The following ARHGAP21 variants were observed in gnomAD, a reference collection of about 807,000 sequenced individuals.
The protein encoded by ARHGAP21 is Rho GTPase activating protein 21.
ARHGAP21 carries 38 observed loss-of-function variants against 164.6 expected under a neutral mutation model. The observed-to-expected ratio is 0.23, with a 90% CI of 0.18 to 0.30. ARHGAP21 has a LOEUF of 0.30. ARHGAP21 is among the 10% of genes least tolerant of loss of function. The pLI is 1.00. For missense variants in ARHGAP21, 1,822 were observed against 2,370.7 expected (o/e 0.77, Z 4.81); for synonymous variants, 766 against 857.9 (o/e 0.89, Z 1.87).
At position 24,597,521 on chromosome 10, in the gene ARHGAP21, C is replaced by T; in HGVS notation, c.3260G>A (p.Gly1087Asp). The T allele has an allele frequency of 6.2e-7, 1 of 1,614,122 alleles. No individual in the cohort carries two copies. The highest frequency in any genetic ancestry group is 8.5e-7 in the Non-Finnish European group (1 of 1,179,992). ...QSLSIRQTLL[G>D]AKSEPKTQSP... ...TTGAGTCTTTGGCTCTGATTTAGCA[C>T]CAAGCAAAGTTTGCCTGATGCTGAG... Residue 1087 changes from glycine to aspartate, a missense_variant, in exon 16 of 26, where the codon GGT becomes GAT. Physicochemically the swap from Gly to Asp is moderately conservative, Grantham distance 94. This residue lies in a region of ARHGAP21 where 1,090 missense variants were observed against 1,378.9 expected (regional missense o/e 0.79). Coordinates refer to ENST00000396432, the MANE Select transcript of ARHGAP21 (RefSeq NM_020824.4).
chr10:24,692,491 A>G (rs73606546), intron 2 of ARHGAP21, among the ~76,000 whole-genome samples: 1,974 of 152,330 alleles, frequency 0.013, 33 homozygotes, highest in African/African-American at 0.045. Context: ...TATATTTTGG[A>G]AACAGTAACA....
intron 21 of ARHGAP21, among the ~76,000 whole-genome samples, chr10:24,593,744 T>TGAATGATGTAATAG (rs370137703): frequency 5.5e-4 from 84 of 152,328 alleles, no homozygotes; most frequent in African/African-American, 1.9e-3. Flanking sequence ...GCAAAACTGA[T>TGAATGATGTAATAG]GAATGATGTA....
intron 24 of ARHGAP21, chr10:24,590,963 AC>A: frequency 2.2e-6 from 2 of 913,568 alleles, no homozygotes; most frequent in Non-Finnish European, 2.6e-6. Flanking sequence ...AAAAAAAAGA[AC>A]AAAACAGTGG....
At chr10:24,624,901 T>C (rs532844984) in intron 7 of ARHGAP21, among the ~76,000 whole-genome samples, 2 of 152,154 alleles carry the variant, frequency 1.3e-5, no homozygotes, top group Admixed American at 6.5e-5. Context: ...CTCAGCCTTT[T>C]TGTATACCAC....
intron 2 of ARHGAP21, among the ~76,000 whole-genome samples, chr10:24,701,663 G>C (rs1843683840): frequency 6.6e-6 from 1 of 152,154 alleles, no homozygotes; most frequent in Non-Finnish European, 1.5e-5. Context: ...GGTTTGAAAA[G>C]GAAGTAGAAA....
chr10:24,664,466 G>T (rs1043905887), intron 4 of ARHGAP21, among the ~76,000 whole-genome samples: 2 of 151,462 alleles, frequency 1.3e-5, no homozygotes, highest in Non-Finnish European at 2.9e-5. Flanking sequence ...TGAGGCAGGA[G>T]AATCGCTTGA....
chr10:24,607,074 G>C (rs994962310), intron 11 of ARHGAP21, among the ~76,000 whole-genome samples: 1 of 152,158 alleles, frequency 6.6e-6, no homozygotes, highest in East Asian at 1.9e-4. Flanking sequence ...GAAACAGCAT[G>C]AGCCAGGACT....
In ARHGAP21 at chr10:24,585,259, G is replaced by A. The variant is rs553242970; in HGVS notation, c.5030C>T (p.Thr1677Ile). Residue 1677 changes from threonine (T) to isoleucine (I), a missense_variant, in exon 26 of 26, where the codon ACC (threonine) becomes ATC (isoleucine). By Grantham distance (89) the Thr-to-Ile change is moderately conservative (BLOSUM62 -1). Around this residue, in one of 5 missense-constraint regions of ARHGAP21, gnomAD observed 117 missense variants for 193.2 expected, o/e 0.61. Transcript: ENST00000396432. ...TAAACTTGATGTTAAACTTCCCTCGGTGCAACTTAATTCACTTCCTTCAGA... is the reference window on the plus strand; with the variant it reads ...TAAACTTGATGTTAAACTTCCCTCGATGCAACTTAATTCACTTCCTTCAGA... Reference protein sequence around the residue: ...RNSEGSELSCTEGSLTSSLDS... With the variant: ...RNSEGSELSCIEGSLTSSLDS... The A allele has an allele frequency of 1.9e-6, 3 of 1,606,552 alleles. No homozygotes were observed. Among genetic ancestry groups the A allele is most frequent in the Non-Finnish European group, 2.5e-6 (3 of 1,178,612 alleles).
In ARHGAP21 at chr10:24,616,368, G is replaced by A. The variant is rs1277627773; in HGVS notation, c.2422+3105C>T. Among the ~76,000 whole-genome samples, 3 of 152,334 alleles carry A rather than the reference G, an allele frequency of 2.0e-5. No homozygotes were observed. The East Asian group carries it at 5.8e-4, about 29-fold the overall frequency. ...TATCACCACTGGCACTGAGCCCAGA[G>A]CTCCCAAAGGGAGAAACTGGGTATA... On this transcript the variant is annotated intron_variant, in intron 9 of 25. Coordinates refer to ENST00000396432, the MANE Select transcript of ARHGAP21 (RefSeq NM_020824.4).
At chr10:24,663,572 A>T (rs1839904605) in intron 4 of ARHGAP21, among the ~76,000 whole-genome samples, 1 of 152,206 alleles carries the variant, frequency 6.6e-6, no homozygotes, top group Non-Finnish European at 1.5e-5. Context: ...TCTGTCATCC[A>T]TGTTGGAGTG....
intron 2 of ARHGAP21, among the ~76,000 whole-genome samples, chr10:24,677,135 G>C (rs1593257715): frequency 6.6e-6 from 1 of 152,160 alleles, no homozygotes; most frequent in Non-Finnish European, 1.5e-5. Flanking sequence ...AAGGAGAATT[G>C]CTGGAACCCA....
At chr10:24,699,055 C>A (rs1483311429) in intron 2 of ARHGAP21, among the ~76,000 whole-genome samples, 1 of 152,102 alleles carries the variant, frequency 6.6e-6, no homozygotes, top group Non-Finnish European at 1.5e-5. Context: ...ACCTGATCTG[C>A]CCTTCGAAAG....
At chr10:24,591,783 G>A (rs10828678) in intron 22 of ARHGAP21, 100 bp from the exon 23 acceptor site, 806,510 of 1,598,866 alleles carry the variant, frequency 0.5, 204,792 homozygotes, top group Non-Finnish European at 0.52. Context: ...CTTAGGGAAA[G>A]ATATTACAAC....
chr10:24,601,253 C>T (rs1216523318), intron 13 of ARHGAP21, among the ~76,000 whole-genome samples: 2 of 152,136 alleles, frequency 1.3e-5, no homozygotes, highest in African/African-American at 4.8e-5. Context: ...ATTTAAAAAT[C>T]GGTCCAAAAA....
At chr10:24,661,029 T>G (rs1387495602) in intron 4 of ARHGAP21, among the ~76,000 whole-genome samples, 1 of 152,058 alleles carries the variant, frequency 6.6e-6, no homozygotes, top group Non-Finnish European at 1.5e-5. Context: ...GCCGAAAGAC[T>G]CACTGAAGCT....
intron 12 of ARHGAP21, 85 bp downstream of exon 12, chr10:24,604,227 T>G (rs1351186020): frequency 6.7e-6 from 6 of 901,086 alleles, no homozygotes; most frequent in Non-Finnish European, 9.7e-6. Flanking sequence ...ATTATAATAT[T>G]TAAATATTAA....
At chr10:24,648,649 AG>A (rs1300820889) in intron 4 of ARHGAP21, among the ~76,000 whole-genome samples, 1 of 152,038 alleles carries the variant, frequency 6.6e-6, no homozygotes, top group Admixed American at 6.6e-5. Flanking sequence ...GCGTGGTGGT[AG>A]GTGCCTATAA....
At chr10:24,709,512 A>G (rs1844562404) in intron 2 of ARHGAP21, among the ~76,000 whole-genome samples, 4 of 152,080 alleles carry the variant, frequency 2.6e-5, no homozygotes, top group Admixed American at 2.0e-4. Context: ...CTGAGACGAC[A>G]GGACAGCTTG....
In ARHGAP21 at chr10:24,586,034, G is replaced by A. The variant is rs762622331; in HGVS notation, c.4255C>T (p.Arg1419Cys). 14 of 1,613,764 alleles carry A rather than the reference G, an allele frequency of 8.7e-6. No homozygotes were observed. The highest frequency in any genetic ancestry group is 2.2e-5 in the East Asian group (1 of 44,858). The change falls in exon 26 of 26, where the codon CGC becomes TGC. Residue 1419 changes from arginine (R) to cysteine (C), a missense_variant. Arg to Cys is a radical substitution (Grantham distance 180). Coordinates refer to ENST00000396432, the MANE Select transcript of ARHGAP21 (RefSeq NM_020824.4). ...LVSSIFAAAS[R>C]KRKKPKEKAQ... ...TTTTCTTTCGGCTTCTTCCTCTTGC[G>A]ACTAGCAGCTGCAAAGATGGAGGAC...
Sources: gnomAD v4.1 joint callset for allele counts (sites outside exome capture counted in the v4.1 genomes callset) on GRCh38, gnomAD v4.1.1 for gene constraint, gnomAD v4.1.1 regional missense constraint, MANE v1.5 for transcripts, NCBI Gene and HGNC (gene_info 2026-07-23, HGNC 2026-07-21) for gene names.